The following BCL2L14 variants were observed in gnomAD, a reference collection of about 807,000 sequenced individuals.
BCL2L14 encodes BCL2 like 14, also known as apoptosis facilitator Bcl-2-like protein 14.
A neutral mutation model predicts 35.3 loss-of-function variants in BCL2L14; 27 were observed. The ratio of observed to expected loss-of-function variants is 0.76; its 90% CI spans 0.56 to 1.05. The LOEUF is 1.05. Among genes scored for constraint, BCL2L14 ranks in the 50% least tolerant of loss-of-function variants. The pLI is 0.00. For synonymous variants in BCL2L14, 139 were observed against 145.9 expected (o/e 0.95, Z 0.34); for missense variants, 377 against 382.6 (o/e 0.99, Z 0.12).
chr12:12,095,315 C>A, intron 5 of BCL2L14: 1 of 985,398 alleles, frequency 1.0e-6, no homozygotes, highest in Non-Finnish European at 1.2e-6. Flanking sequence ...CTTGCAGATA[C>A]TTAGAGGTCA....
At chr12:12,057,544 G>A (rs1299759246) in intron 2 of BCL2L14, among the ~76,000 whole-genome samples, 2 of 152,100 alleles carry the variant, frequency 1.3e-5, no homozygotes, top group East Asian at 3.9e-4. Flanking sequence ...GATCACCTGA[G>A]GTCGGGAGTT....
At chr12:12,092,790 T>G (rs924907590) in intron 4 of BCL2L14, among the ~76,000 whole-genome samples, 1 of 151,960 alleles carries the variant, frequency 6.6e-6, no homozygotes, top group Non-Finnish European at 1.5e-5. Context: ...GCCTGGACGG[T>G]GGGGGTGGGC....
chr12:12,073,192 C>A (rs1169554783), intron 1 of BCL2L14, among the ~76,000 whole-genome samples: 4 of 152,172 alleles, frequency 2.6e-5, no homozygotes, highest in Admixed American at 2.0e-4. Flanking sequence ...TTGTTAAATA[C>A]ATTAAAACCC....
intron 5 of BCL2L14, chr12:12,095,565 T>A (rs528527287): frequency 1.0e-6 from 1 of 985,416 alleles, no homozygotes; most frequent in Non-Finnish European, 1.2e-6. Flanking sequence ...TTCAAACAGC[T>A]ACATAAGGTC....
chr12:12,092,520 A>G (rs922892077), intron 4 of BCL2L14, among the ~76,000 whole-genome samples: 5 of 152,128 alleles, frequency 3.3e-5, no homozygotes, highest in Non-Finnish European at 7.4e-5. Context: ...CACAGCCCGA[A>G]GGCCCATCCT....
chr12:12,068,689 TCTTA>T (rs910520896), upstream of BCL2L14, among the ~76,000 whole-genome samples: 12 of 149,608 alleles, frequency 8.0e-5, no homozygotes, highest in East Asian at 2.0e-3. Flanking sequence ...AGAGATGGGG[TCTTA>T]CTATCACAGC....
At chr12:12,053,423 C>CTTT (rs5796482) in intron 2 of BCL2L14, among the ~76,000 whole-genome samples, 25 of 148,768 alleles carry the variant, frequency 1.7e-4, no homozygotes, top group Admixed American at 7.4e-4. Flanking sequence ...TCTTCTTCTT[C>CTTT]TTTTTTTTTT....
chr12:12,083,365 G>T (rs1465745325), intron 2 of BCL2L14, among the ~76,000 whole-genome samples: 1 of 152,172 alleles, frequency 6.6e-6, no homozygotes, highest in Non-Finnish European at 1.5e-5. Flanking sequence ...TATGTCCCAA[G>T]ACCAAACTCT....
At chr12:12,070,443 GGGAGGCCGAGGA>G (rs1449945021), upstream of BCL2L14, among the ~76,000 whole-genome samples, 1 of 152,180 alleles carries the variant, frequency 6.6e-6, no homozygotes, top group Non-Finnish European at 1.5e-5. Context: ...CCAGCACTTT[GGGAGGCCGAGGA>G]GGGCAGACCA....
At chr12:12,089,876 C>T (rs2160523) in intron 3 of BCL2L14, among the ~76,000 whole-genome samples, 68,710 of 152,032 alleles carry the variant, frequency 0.45, 15,926 homozygotes, top group Middle Eastern at 0.64. Context: ...ATCCATCAAT[C>T]TGAAAGATAT....
At chr12:12,087,903 T>C (rs1949083707) in intron 3 of BCL2L14, among the ~76,000 whole-genome samples, 1 of 152,172 alleles carries the variant, frequency 6.6e-6, no homozygotes, top group Admixed American at 6.5e-5. Flanking sequence ...TAGCTGAGAC[T>C]GTAGATCCCA....
chr12:12,076,113 T>A (rs1565461236), intron 1 of BCL2L14, among the ~76,000 whole-genome samples: 1 of 129,636 alleles, frequency 7.7e-6, no homozygotes, highest in Non-Finnish European at 1.6e-5. Context: ...GAGGGTGGGA[T>A]GCCCGGAAAA....
chr12:12,084,532 G>T (rs1033080126), intron 2 of BCL2L14, among the ~76,000 whole-genome samples: 5 of 152,072 alleles, frequency 3.3e-5, no homozygotes, highest in Admixed American at 6.6e-5. Flanking sequence ...TTCCGACCCT[G>T]TTGGCCTGCT....
At chr12:12,060,169 G>C (rs113482110) in intron 2 of BCL2L14, among the ~76,000 whole-genome samples, 34,546 of 150,622 alleles carry the variant, frequency 0.23, 4,191 homozygotes, top group South Asian at 0.29. Context: ...CCTCACACCC[G>C]GTCCGGCTTA....
At chr12:12,093,399 G>A (rs578104071) in intron 4 of BCL2L14, among the ~76,000 whole-genome samples, 16 of 152,312 alleles carry the variant, frequency 1.1e-4, no homozygotes, top group South Asian at 4.1e-4. Context: ...TGGGGAGGCC[G>A]AGGTGGGAGG....
At chr12:12,089,628 G>A (rs1172186348) in intron 3 of BCL2L14, among the ~76,000 whole-genome samples, 1 of 152,000 alleles carries the variant, frequency 6.6e-6, no homozygotes, top group African/African-American at 2.4e-5. Context: ...AACCTGGGAG[G>A]TGGAGGTTGC....
chr12:12,070,348 T>G (rs1018047170), upstream of BCL2L14, among the ~76,000 whole-genome samples: 3 of 152,216 alleles, frequency 2.0e-5, no homozygotes, highest in Admixed American at 2.0e-4. Context: ...TTTCCTCATC[T>G]GTGCAATGGG....
At chr12:12,057,210 G>A (rs1196674888) in intron 2 of BCL2L14, among the ~76,000 whole-genome samples, 1 of 152,044 alleles carries the variant, frequency 6.6e-6, no homozygotes, top group East Asian at 1.9e-4. Flanking sequence ...GCATTCCACG[G>A]GAGACTATTT....
At chr12:12,073,547 C>T (rs1379217671) in intron 1 of BCL2L14, among the ~76,000 whole-genome samples, 2 of 152,134 alleles carry the variant, frequency 1.3e-5, no homozygotes, top group Non-Finnish European at 2.9e-5. Context: ...AGTGACAATA[C>T]TCCCCCCGCC....
Sources: allele counts gnomAD v4.1 joint callset (sites outside exome capture counted in the v4.1 genomes callset), GRCh38; gene constraint gnomAD v4.1.1; transcripts MANE v1.5; gene names NCBI Gene and HGNC (gene_info 2026-07-23, HGNC 2026-07-21).